NHSL1: variants seen among roughly 807,000 people sequenced by gnomAD.
The protein encoded by NHSL1 is NHS-like protein 1.
NHSL1 carries 48 observed loss-of-function variants against 95.0 expected under a neutral mutation model. The observed-to-expected ratio is 0.51, with a 90% CI of 0.40 to 0.64. NHSL1 has a LOEUF of 0.64. Among genes scored for constraint, NHSL1 ranks in the 30% least tolerant of loss-of-function variants. The probability of loss-of-function intolerance (pLI) is 0.00; values close to 1 mark genes in which losing one functional copy is unlikely to be tolerated. For synonymous variants in NHSL1, 783 were observed against 833.9 expected (o/e 0.94, Z 1.05); for missense variants, 1,971 against 2,077.7 (o/e 0.95, Z 1.00).
In NHSL1 at chr6:138,433,506, C is replaced by G. The variant is rs1242662566; in HGVS notation, c.839G>C (p.Arg280Thr). Residue 280 changes from arginine to threonine, a missense_variant, in exon 6 of 8, where the codon AGG becomes ACG. Transcript: ENST00000343505. Reference protein sequence around the residue: ...KVVPPSMRRIRAQKGQGIAAQ... With the variant: ...KVVPPSMRRITAQKGQGIAAQ... ...AGCAATGCCTTGCCCCTTCTGTGCCCTGATTCTCCTCATGGAAGGTGGTAC... is the reference window on the plus strand; with the variant it reads ...AGCAATGCCTTGCCCCTTCTGTGCCGTGATTCTCCTCATGGAAGGTGGTAC... 6.4e-7 allele frequency: 1 copy of G among 1,552,050 alleles called. No homozygotes were observed. Among genetic ancestry groups the G allele is most frequent in the South Asian group, 1.2e-5 (1 of 84,052 alleles).
rs1471098463 is a variant in NHSL1 at position 138,424,437 on chromosome 6, T to A, written c.4465A>T (p.Ser1489Cys). Residue 1489 changes from serine (S) to cysteine (C), a missense_variant, in exon 8 of 8, where the codon AGT (serine) becomes TGT (cysteine). Ser to Cys is a moderately radical substitution (Grantham distance 112, BLOSUM62 -1). This residue lies in a region of NHSL1 where 223 missense variants were observed against 217.0 expected (regional missense o/e 1.03). Coordinates refer to ENST00000343505, the MANE Select transcript of NHSL1 (RefSeq NM_001144060.2). This position sits in a 1 kb window ranked among gnomAD's most constrained non-coding sequence, Gnocchi z 5.9. ...WAKNEGLMPR[S>C]LSFSGPRYGR... ...TACCTGGGGCCGGAAAAGGACAGAC[T>A]CCGAGGCATCAAGCCTTCGTTCTTG... The A allele has an allele frequency of 6.4e-7, 1 of 1,550,832 alleles. No individual in the cohort carries two copies. Among genetic ancestry groups the A allele is most frequent in the Admixed American group, 2.0e-5 (1 of 50,978 alleles).
chr6:138,488,270 T>C (rs1779841184), intron 2 of NHSL1, among the ~76,000 whole-genome samples: 1 of 148,172 alleles, frequency 6.7e-6, no homozygotes, highest in South Asian at 2.1e-4. Context: ...AGAGCAAGAC[T>C]CTGTCTCAAA....
At chr6:138,637,674 G>A (rs560434632) in intron 1 of NHSL1, among the ~76,000 whole-genome samples, 1 of 152,274 alleles carries the variant, frequency 6.6e-6, no homozygotes, top group Admixed American at 6.5e-5. Flanking sequence ...ATACTACAAT[G>A]AGATATCATC....
At chr6:138,474,342 T>C (rs1419222634) in intron 2 of NHSL1, among the ~76,000 whole-genome samples, 1 of 152,196 alleles carries the variant, frequency 6.6e-6, no homozygotes, top group Non-Finnish European at 1.5e-5. Context: ...ACCATGCACC[T>C]ACAGGCACAG....
At chr6:138,684,263 A>G (rs1306972897) in intron 1 of NHSL1, among the ~76,000 whole-genome samples, 1 of 152,040 alleles carries the variant, frequency 6.6e-6, no homozygotes, top group African/African-American at 2.4e-5. Flanking sequence ...AGAAAGCAGA[A>G]TTATGCTACT....
intron 1 of NHSL1, among the ~76,000 whole-genome samples, chr6:138,685,188 A>G (rs990847143): frequency 1.3e-5 from 2 of 152,222 alleles, no homozygotes; most frequent in Non-Finnish European, 2.9e-5. Context: ...TTTCTTTAAT[A>G]TAGCAGAAAA....
chr6:138,689,786 C>CT (rs61297336), intron 1 of NHSL1, among the ~76,000 whole-genome samples: 21,649 of 145,738 alleles, frequency 0.15, 1,692 homozygotes, highest in East Asian at 0.37. Flanking sequence ...ATTTCCACAC[C>CT]TTTTTTTTTT....
chr6:138,543,457 C>A (rs1175884276), intron 1 of NHSL1, among the ~76,000 whole-genome samples: 1 of 152,146 alleles, frequency 6.6e-6, no homozygotes, highest in Non-Finnish European at 1.5e-5. Flanking sequence ...AGAAAAGAAA[C>A]AGTCTAAGTA....
At chr6:138,545,805 G>T, upstream of NHSL1, 6 of 1,183,048 alleles carry the variant, frequency 5.1e-6, no homozygotes, top group Non-Finnish European at 6.4e-6. Flanking sequence ...CAGCCTGCTG[G>T]GCTGTGCTGC....
chr6:138,459,300 T>A (rs982142322), intron 3 of NHSL1, among the ~76,000 whole-genome samples: 4 of 152,198 alleles, frequency 2.6e-5, no homozygotes, highest in African/African-American at 4.8e-5. Flanking sequence ...TAGTATTTTT[T>A]AAAGTTTCTT....
intron 1 of NHSL1, among the ~76,000 whole-genome samples, chr6:138,624,127 A>G (rs1784703553): frequency 6.6e-6 from 1 of 152,174 alleles, no homozygotes; most frequent in Admixed American, 6.5e-5. Flanking sequence ...AAAGAGGTAC[A>G]ATCTTTGATG....
At chr6:138,427,459 A>G (rs1452895614) in intron 7 of NHSL1, among the ~76,000 whole-genome samples, 1 of 152,234 alleles carries the variant, frequency 6.6e-6, no homozygotes, top group East Asian at 1.9e-4. Context: ...GAAAAAAAAA[A>G]AAAGGAAGAA....
At chr6:138,632,164 G>C (rs1784827831) in intron 1 of NHSL1, among the ~76,000 whole-genome samples, 1 of 152,226 alleles carries the variant, frequency 6.6e-6, no homozygotes, top group Admixed American at 6.5e-5. Flanking sequence ...AAAGTGGGAA[G>C]GACTGCGTCT....
chr6:138,493,629 C>T (rs1186682531), intron 2 of NHSL1, among the ~76,000 whole-genome samples: 1 of 152,224 alleles, frequency 6.6e-6, no homozygotes, highest in African/African-American at 2.4e-5. Context: ...TGCTTAGGAG[C>T]TGGGCAGAGA....
At chr6:138,467,598 G>A (rs535899440) in intron 3 of NHSL1, among the ~76,000 whole-genome samples, 15 of 152,190 alleles carry the variant, frequency 9.9e-5, no homozygotes, top group Non-Finnish European at 2.2e-4. Flanking sequence ...ATTGCCCCGA[G>A]GAACTTCCAG....
At chr6:138,622,053 C>T (rs75131261) in intron 1 of NHSL1, among the ~76,000 whole-genome samples, 6,993 of 152,014 alleles carry the variant, frequency 0.046, 228 homozygotes, top group South Asian at 0.073. Flanking sequence ...TCCTATGTAG[C>T]GGGCATTCAA....
At chr6:138,499,542 G>C (rs1200657404), upstream of NHSL1, 3 of 638,764 alleles carry the variant, frequency 4.7e-6, no homozygotes, top group Non-Finnish European at 6.6e-6. Context: ...AGCAGCCAGT[G>C]ACATCGTGCG....
intron 1 of NHSL1, among the ~76,000 whole-genome samples, chr6:138,552,203 G>A (rs773097184): frequency 4.6e-5 from 7 of 152,128 alleles, no homozygotes; most frequent in South Asian, 4.1e-4. Flanking sequence ...GGCGGATCAC[G>A]AGGTCAGGAG....
chr6:138,520,825 G>A (rs918310599), intron 1 of NHSL1, among the ~76,000 whole-genome samples: 3 of 152,180 alleles, frequency 2.0e-5, no homozygotes, highest in Admixed American at 6.5e-5. Flanking sequence ...AAAGTAGGAA[G>A]CTACTGTGAT....
Sources: allele counts gnomAD v4.1 joint callset (sites outside exome capture counted in the v4.1 genomes callset), GRCh38; gene constraint gnomAD v4.1.1; regional missense constraint gnomAD v4.1.1; non-coding constraint Gnocchi (gnomAD v3.1); transcripts MANE v1.5; gene names NCBI Gene and HGNC (gene_info 2026-07-23, HGNC 2026-07-21).